MYOM1: variants seen among roughly 807,000 people sequenced by gnomAD.
MYOM1 encodes myomesin 1, also known as myomesin-1.
MYOM1 carries 164 observed loss-of-function variants against 205.3 expected under a neutral mutation model. The ratio of observed to expected loss-of-function variants is 0.80; its 90% CI spans 0.70 to 0.91. MYOM1 has a LOEUF of 0.91. Ranked by LOEUF, MYOM1 falls within the 40% of genes least tolerant of loss-of-function variation. MYOM1 has a pLI of 0.00. For synonymous variants in MYOM1, 772 were observed against 789.4 expected, an observed-to-expected ratio of 0.98 and a Z score of 0.37; for missense variants, 2,011 against 2,127.3, an observed-to-expected ratio of 0.95 and a Z score of 1.08.
Position 3,164,453 on chromosome 18 carries a change from A to T in MYOM1, c.1340-14T>A. On this transcript the variant is annotated splice_polypyrimidine_tract_variant and intron_variant, in intron 9 of 37. Coordinates refer to ENST00000356443, the MANE Select transcript of MYOM1 (RefSeq NM_003803.4). ...AAAGAGGTACTCCTAGAAATATTTT[A>T]AAAGTAAGCAAATTAACTTATTTTT... 1.3e-6 allele frequency: 2 copies of T among 1,557,022 alleles called. No homozygotes were observed. The highest frequency in any genetic ancestry group is 4.1e-5 in the Admixed American group (2 of 49,094).
chr18:3,202,526 AAACAT>A (rs558375928), intron 2 of MYOM1, among the ~76,000 whole-genome samples: 4 of 152,206 alleles, frequency 2.6e-5, no homozygotes, highest in Non-Finnish European at 4.4e-5. Context: ...TAGTAATATA[AAACAT>A]AATATACTTT....
intron 5 of MYOM1, among the ~76,000 whole-genome samples, chr18:3,183,909 CT>C (rs1555627860): frequency 4.1e-3 from 590 of 143,070 alleles, no homozygotes; most frequent in African/African-American, 4.3e-3. Flanking sequence ...CGTTCTCTCT[CT>C]TTTTTTTTTT....
the MYOM1 span, among the ~76,000 whole-genome samples, chr18:3,244,094 C>T: frequency 2.0e-5 from 3 of 152,094 alleles, no homozygotes; most frequent in African/African-American, 2.4e-5. Context: ...GTTCTGTTGT[C>T]GAGGGCCGTC....
intron 16 of MYOM1, among the ~76,000 whole-genome samples, chr18:3,133,095 G>A (rs2079901573): frequency 6.6e-6 from 1 of 152,166 alleles, no homozygotes; most frequent in East Asian, 1.9e-4. Flanking sequence ...AATGGTGCCT[G>A]CCCTCTAGCA....
chr18:3,204,755 C>G (rs957665317), intron 2 of MYOM1, among the ~76,000 whole-genome samples: 6 of 151,828 alleles, frequency 4.0e-5, no homozygotes, highest in African/African-American at 1.4e-4. Flanking sequence ...TATGAAGGAA[C>G]GACATAGGCA....
At chr18:3,233,709 T>C in the MYOM1 span, among the ~76,000 whole-genome samples, 1 of 152,250 alleles carries the variant, frequency 6.6e-6, no homozygotes, top group Non-Finnish European at 1.5e-5. Context: ...CGGATTCATC[T>C]ACCATTCCTT....
intron 22 of MYOM1, among the ~76,000 whole-genome samples, chr18:3,106,827 CA>C (rs1013632690): frequency 6.6e-6 from 1 of 152,004 alleles, no homozygotes; most frequent in African/African-American, 2.4e-5. Flanking sequence ...TGTCGCAAAA[CA>C]AAAACAAACA....
intron 23 of MYOM1, among the ~76,000 whole-genome samples, chr18:3,102,071 G>A (rs544498929): frequency 7.7e-4 from 110 of 142,082 alleles, no homozygotes; most frequent in African/African-American, 2.8e-3. Context: ...GCGCGATCTC[G>A]GCTCACTGCA....
At chr18:3,131,906 T>G (rs2079880617) in intron 16 of MYOM1, among the ~76,000 whole-genome samples, 1 of 151,738 alleles carries the variant, frequency 6.6e-6, no homozygotes, top group African/African-American at 2.4e-5. Context: ...GGGATAATGA[T>G]GCTTACATGA....
At position 3,128,576 on chromosome 18, in the gene MYOM1, T is replaced by A. The variant is rs117914418; in HGVS notation, c.2794+656A>T. 9.0e-4 allele frequency among the ~76,000 whole-genome samples: 137 copies of A among 152,356 alleles called. 1 individual carries two copies. The East Asian group carries it at 0.025, about 28-fold the overall frequency. Reference sequence around the variant, plus strand: ...ATAATTTTAACTTTTAAACTTTTCATGGTAACTCAAAGATATATTTATAGC... The same window carrying A: ...ATAATTTTAACTTTTAAACTTTTCAAGGTAACTCAAAGATATATTTATAGC... On this transcript the variant is annotated intron_variant, in intron 18 of 37. Coordinates refer to ENST00000356443, the MANE Select transcript of MYOM1 (RefSeq NM_003803.4).
At chr18:3,074,794 A>T (rs1258513389) in intron 36 of MYOM1, among the ~76,000 whole-genome samples, 1 of 151,978 alleles carries the variant, frequency 6.6e-6, no homozygotes, top group Non-Finnish European at 1.5e-5. Flanking sequence ...ACAGTTTTCT[A>T]TTTTCTTTTG....
chr18:3,141,959 T>C lies in MYOM1; in HGVS notation c.2005A>G (p.Ile669Val), dbSNP rs1232256760. Reference sequence around the variant, plus strand: ...CTTACCTTTTCCACAAAGTACATAATGCCCTCATGACCACGCTGGCCAGGG... The same window carrying C: ...CTTACCTTTTCCACAAAGTACATAACGCCCTCATGACCACGCTGGCCAGGG... ...KPPGQRGHEGIMYFVEKCEAG... is the reference protein window; with the variant it reads ...KPPGQRGHEGVMYFVEKCEAG... Residue 669 changes from isoleucine to valine, a missense_variant, in exon 14 of 38, where the codon ATT becomes GTT. By Grantham distance (29) the Ile-to-Val change is conservative. Coordinates refer to ENST00000356443, the MANE Select transcript of MYOM1 (RefSeq NM_003803.4). The C allele has an allele frequency of 6.2e-7, 1 of 1,613,880 alleles. No homozygotes were observed. Among genetic ancestry groups the C allele is most frequent in the South Asian group, 1.1e-5 (1 of 91,078 alleles).
At chr18:3,121,587 C>T (rs1362428702) in intron 19 of MYOM1, among the ~76,000 whole-genome samples, 2 of 152,234 alleles carry the variant, frequency 1.3e-5, no homozygotes, top group South Asian at 4.1e-4. Context: ...AGAATTAAAA[C>T]ACAGACACAT....
chr18:3,117,507 C>CA (rs1409783433), intron 20 of MYOM1, among the ~76,000 whole-genome samples: 1 of 152,168 alleles, frequency 6.6e-6, no homozygotes, highest in Non-Finnish European at 1.5e-5. Context: ...GAAGCCAAGA[C>CA]ACTTCATAAC....
At chr18:3,183,305 G>A (rs1017376026) in intron 5 of MYOM1, among the ~76,000 whole-genome samples, 4 of 152,342 alleles carry the variant, frequency 2.6e-5, no homozygotes, top group African/African-American at 9.6e-5. Flanking sequence ...GAATAGGACG[G>A]TACTGCATCC....
chr18:3,221,174 T>C (rs2017922), upstream of MYOM1, among the ~76,000 whole-genome samples: 23,260 of 151,560 alleles, frequency 0.15, 2,692 homozygotes, highest in African/African-American at 0.33. Flanking sequence ...GCCATCACAC[T>C]CGGCTAATTT....
At position 3,203,852 on chromosome 18, in the gene MYOM1, T is replaced by C. The variant is rs773113262; in HGVS notation, c.291-9894A>G. The stretch of plus-strand genomic sequence containing the variant: ...AAAGGAAACTACAGACCAATATCCA[T>C]CATAGAGACGCAAAAATCCTTCATA... On this transcript the variant is annotated intron_variant, in intron 2 of 37. Transcript: ENST00000356443. 1.7e-4 allele frequency among the ~76,000 whole-genome samples: 25 copies of C among 151,212 alleles called. No individual in the cohort carries two copies. In the South Asian group the frequency reaches 1.7e-3, roughly 10 times the overall value.
At chr18:3,200,039 G>A (rs1285861772) in intron 2 of MYOM1, among the ~76,000 whole-genome samples, 1 of 151,996 alleles carries the variant, frequency 6.6e-6, no homozygotes, top group African/African-American at 2.4e-5. Context: ...AAACAAAGCT[G>A]AGCAGAGACA....
chr18:3,185,966 T>A (rs949220513), intron 5 of MYOM1, among the ~76,000 whole-genome samples: 1 of 152,086 alleles, frequency 6.6e-6, no homozygotes, highest in African/African-American at 2.4e-5. Context: ...GAGGCCGAGG[T>A]GGGCAAATCA....
Sources: allele counts gnomAD v4.1 joint callset (sites outside exome capture counted in the v4.1 genomes callset), GRCh38; gene constraint gnomAD v4.1.1; transcripts MANE v1.5; gene names NCBI Gene and HGNC (gene_info 2026-07-23, HGNC 2026-07-21).